The following BID variants were observed in gnomAD, a reference collection of about 807,000 sequenced individuals.
The protein encoded by BID is BH3 interacting domain death agonist.
In BID, 19 loss-of-function variants were observed where a neutral mutation model predicts 17.4. The observed-to-expected ratio is 1.09, with a 90% CI of 0.76 to 1.60. The LOEUF (loss-of-function observed/expected upper bound fraction) is 1.60, where lower values mean the gene tolerates loss of function less well. BID is among the 40% of genes most tolerant of loss of function. The pLI, the probability that BID is intolerant of heterozygous loss-of-function variation, is 0.00. For missense variants in BID, 226 were observed against 256.0 expected, an observed-to-expected ratio of 0.88 and a Z score of 0.80; for synonymous variants, 108 against 102.8, an observed-to-expected ratio of 1.05 and a Z score of -0.31.
At chr22:17,756,299 G>T (rs868323097) in intron 1 of BID, among the ~76,000 whole-genome samples, 1 of 152,222 alleles carries the variant, frequency 6.6e-6, no homozygotes, top group Non-Finnish European at 1.5e-5. Flanking sequence ...CTGGAAATGC[G>T]TTGACAAACT....
intron 1 of BID, among the ~76,000 whole-genome samples, chr22:17,762,511 ATTAAT>A (rs1267332905): frequency 6.6e-6 from 1 of 152,096 alleles, no homozygotes; most frequent in Non-Finnish European, 1.5e-5. Flanking sequence ...TAATTAATTA[ATTAAT>A]TTAATTAAAC....
intron 1 of BID, among the ~76,000 whole-genome samples, chr22:17,771,812 C>CTTT (rs1444402066): frequency 6.6e-6 from 1 of 152,176 alleles, no homozygotes; most frequent in African/African-American, 2.4e-5. Flanking sequence ...TTGGGGAAAA[C>CTTT]CCCACTGCGA....
Position 17,738,189 on chromosome 22 carries a change from A to G in BID, c.404T>C (p.Leu135Pro), listed in dbSNP as rs895511972. Residue 135 changes from leucine to proline, a missense_variant, in exon 5 of 6, where the codon CTG (leucine) becomes CCG (proline). By Grantham distance (98) the Leu-to-Pro change is moderately conservative. Coordinates refer to ENST00000622694, the MANE Select transcript of BID (RefSeq NM_001196.4). The stretch of plus-strand genomic sequence containing the variant: ...CTCCATGTCTCTAGGGTAGGCCTGC[A>G]GCAGCTGCTCCAGGGCAGTGGCCAG... ...RDLATALEQL[L>P]QAYPRDMEKE... 12 of 1,612,570 alleles carry G rather than the reference A, an allele frequency of 7.4e-6. No individual in the cohort carries two copies. The highest frequency in any genetic ancestry group is 9.3e-6 in the Non-Finnish European group (11 of 1,180,040).
chr22:17,768,742 G>C (rs899601369), intron 1 of BID, among the ~76,000 whole-genome samples: 6 of 152,270 alleles, frequency 3.9e-5, no homozygotes, highest in African/African-American at 1.2e-4. Context: ...CATGGTGGTG[G>C]GCACCTGTAG....
intron 1 of BID, among the ~76,000 whole-genome samples, chr22:17,772,092 G>A (rs892684318): frequency 6.6e-6 from 1 of 152,208 alleles, no homozygotes; most frequent in Non-Finnish European, 1.5e-5. Flanking sequence ...ACACCATCTG[G>A]AGAATGGGGA....
intron 2 of BID, among the ~76,000 whole-genome samples, chr22:17,749,244 T>C (rs1037690322): frequency 5.9e-5 from 9 of 152,188 alleles, no homozygotes; most frequent in African/African-American, 1.7e-4. Context: ...GCTGTGATTT[T>C]TCTCTCCCCA....
At chr22:17,764,969 A>G (rs1416988380) in intron 1 of BID, among the ~76,000 whole-genome samples, 1 of 152,216 alleles carries the variant, frequency 6.6e-6, no homozygotes, top group South Asian at 2.1e-4. Flanking sequence ...GCCTTCCCCA[A>G]CAACATCCTA....
Position 17,769,386 on chromosome 22 carries a change from GA to G in BID, c.-59+4994del, listed in dbSNP as rs1417982399. On this transcript the variant is annotated intron_variant, in intron 1 of 5. Coordinates refer to ENST00000622694, the MANE Select transcript of BID (RefSeq NM_001196.4). This position sits in a 1 kb window ranked among gnomAD's most constrained non-coding sequence, Gnocchi z 4.8. ...GGGTCCTCAGGGATACCCAGAGGGAGAAACAAGGCTTTTGGGGAAATGGTGA... is the reference window on the plus strand; with the variant it reads ...GGGTCCTCAGGGATACCCAGAGGGAGAACAAGGCTTTTGGGGAAATGGTGA... 6.6e-6 allele frequency among the ~76,000 whole-genome samples: 1 copy of G among 152,248 alleles called. No individual in the cohort carries two copies. The highest frequency in any genetic ancestry group is 1.5e-5 in the Non-Finnish European group (1 of 68,040).
At position 17,765,411 on chromosome 22, in the gene BID, A is replaced by C. The variant is rs1348107430; in HGVS notation, c.-59+8970T>G. Among the ~76,000 whole-genome samples the C allele has an allele frequency of 1.8e-4, 28 of 152,210 alleles. 1 individual carries two copies. Among genetic ancestry groups the C allele is most frequent in the Admixed American group, 1.8e-3 (28 of 15,282 alleles). On this transcript the variant is annotated intron_variant, in intron 1 of 5. Transcript: ENST00000622694. ...TATACCTAGTAACCAATGTTTTACT[A>C]TTCTGTCTTACCGAGTAAGTATGTC...
In BID at chr22:17,739,418, G is replaced by A; in HGVS notation, c.294C>T (p.Asp98=). Residue 98 remains aspartate, a synonymous_variant, in exon 4 of 6, where the codon GAC becomes GAT. Coordinates refer to ENST00000622694, the MANE Select transcript of BID (RefSeq NM_001196.4). ...RHLAQVGDSM[D]RSIPPGLVNG... is the part of the protein sequence containing the mutation. ...TCACCAGGCCCGGAGGGATGCTACG[G>A]TCCATGCTGTCCCCGACCTGGGCGA... 1 of 1,612,060 alleles carries A rather than the reference G, an allele frequency of 6.2e-7. No individual in the cohort carries two copies. Among genetic ancestry groups the A allele is most frequent in the Non-Finnish European group, 8.5e-7 (1 of 1,179,874 alleles).
intron 3 of BID, among the ~76,000 whole-genome samples, chr22:17,742,302 G>A (rs976254326): frequency 2.0e-5 from 3 of 152,204 alleles, no homozygotes; most frequent in Non-Finnish European, 4.4e-5. Context: ...AAACACCAGG[G>A]CAGACTGGGG....
intron 1 of BID, among the ~76,000 whole-genome samples, chr22:17,754,811 C>A (rs1426947492): frequency 6.6e-6 from 1 of 152,192 alleles, no homozygotes; most frequent in East Asian, 1.9e-4. Context: ...GTAACCCAGG[C>A]TGGAGTACAA....
In BID at chr22:17,735,467, C is replaced by T. The variant is rs2061412743; in HGVS notation, c.*113G>A. ...AATAGAAGTCACAGCTATCTTCCAG[C>T]CTGTCTTCTCTAGGAACGCTGTTGA... On this transcript the variant is annotated 3_prime_UTR_variant, in exon 6 of 6. Transcript: ENST00000622694. The T allele has an allele frequency of 1.6e-6, 2 of 1,251,338 alleles. No individual in the cohort carries two copies. Among genetic ancestry groups the T allele is most frequent in the Non-Finnish European group, 2.3e-6 (2 of 863,104 alleles). The allele number at this position is 1,251,338 out of a possible 1,614,324, so 77.5% of individuals were successfully genotyped here.
intron 1 of BID, among the ~76,000 whole-genome samples, chr22:17,758,276 C>T (rs1381393668): frequency 2.0e-5 from 3 of 152,236 alleles, no homozygotes; most frequent in African/African-American, 2.4e-5. Context: ...TCCACGGTCG[C>T]CTCAGTTCCT....
intron 1 of BID, among the ~76,000 whole-genome samples, chr22:17,756,315 A>G (rs1018414208): frequency 2.0e-5 from 3 of 152,246 alleles, no homozygotes; most frequent in African/African-American, 7.2e-5. Flanking sequence ...AAACTGACGC[A>G]AAACTGGGCC....
chr22:17,752,209 A>C (rs960203360), intron 1 of BID, among the ~76,000 whole-genome samples: 1 of 152,068 alleles, frequency 6.6e-6, no homozygotes, highest in Admixed American at 6.6e-5. Flanking sequence ...CCAGACCCTA[A>C]CGCCGTGTCT....
intron 1 of BID, among the ~76,000 whole-genome samples, chr22:17,750,753 G>A (rs1396524707): frequency 1.3e-5 from 2 of 152,090 alleles, no homozygotes; most frequent in African/African-American, 4.8e-5. Flanking sequence ...GCATGAACTT[G>A]GGAGGGAGAG....
intron 1 of BID, among the ~76,000 whole-genome samples, chr22:17,766,751 G>A (rs893144298): frequency 7.9e-5 from 12 of 151,612 alleles, no homozygotes; most frequent in Non-Finnish European, 1.8e-4. Context: ...CACCACGCCC[G>A]GCTAATTGTT....
At chr22:17,766,664 A>G (rs972140637) in intron 1 of BID, among the ~76,000 whole-genome samples, 7 of 151,658 alleles carry the variant, frequency 4.6e-5, no homozygotes, top group Non-Finnish European at 8.8e-5. Context: ...ATCTCTGCTC[A>G]CTGCAACCTC....
Sources: gnomAD v4.1 joint callset for allele counts (sites outside exome capture counted in the v4.1 genomes callset) on GRCh38, gnomAD v4.1.1 for gene constraint, Gnocchi (gnomAD v3.1) non-coding constraint, MANE v1.5 for transcripts, NCBI Gene and HGNC (gene_info 2026-07-23, HGNC 2026-07-21) for gene names.